The following FRAS1 variants were observed in gnomAD, a reference collection of about 807,000 sequenced individuals.
FRAS1 encodes the protein extracellular matrix organizing protein FRAS1.
FRAS1 carries 290 observed loss-of-function variants against 435.2 expected under a neutral mutation model. That is an observed-to-expected ratio of 0.67 (90% CI 0.61 to 0.73). The LOEUF is 0.73. Ranked by LOEUF, FRAS1 falls within the 30% of genes least tolerant of loss-of-function variation. FRAS1 has a pLI of 0.00. For synonymous variants in FRAS1, 1,800 were observed against 1,851.0 expected, an observed-to-expected ratio of 0.97 and a Z score of 0.71; for missense variants, 4,860 against 5,001.5, an observed-to-expected ratio of 0.97 and a Z score of 0.85.
intron 44 of FRAS1, among the ~76,000 whole-genome samples, chr4:78,448,778 G>C (rs1718933729): frequency 1.3e-5 from 2 of 152,186 alleles, no homozygotes; most frequent in African/African-American, 4.8e-5. Flanking sequence ...AAATAATTGA[G>C]AATTATCAGA....
intron 72 of FRAS1, 26 bp downstream of exon 72, chr4:78,537,226 T>C (rs1177359664): frequency 1.4e-5 from 23 of 1,601,140 alleles, no homozygotes; most frequent in Non-Finnish European, 2.0e-5. Flanking sequence ...ACTATTAGTG[T>C]TAAAGAGCAG....
chr4:78,511,102 A>G (rs1027445), intron 63 of FRAS1, among the ~76,000 whole-genome samples, 172 bp from the exon 64 acceptor site: 105,314 of 152,088 alleles, frequency 0.69, 37,028 homozygotes, highest in African/African-American at 0.82. Context: ...GATCTGTCTC[A>G]AGTGTCTGGT....
At chr4:78,398,215 A>T (rs1479266444) in intron 29 of FRAS1, among the ~76,000 whole-genome samples, 1 of 152,232 alleles carries the variant, frequency 6.6e-6, no homozygotes, top group African/African-American at 2.4e-5. Flanking sequence ...CCTGTTATAG[A>T]CATAAATATT....
chr4:78,317,656 T>C, intron 17 of FRAS1, 148 bp downstream of exon 17: 1 of 754,106 alleles, frequency 1.3e-6, no homozygotes, highest in Non-Finnish European at 2.0e-6. Flanking sequence ...TTCATTACAG[T>C]AGTTTTGCAA....
chr4:78,507,651 G>T, intron 62 of FRAS1, 43 bp downstream of exon 62: 1 of 1,523,426 alleles, frequency 6.6e-7, no homozygotes, highest in South Asian at 1.3e-5. Flanking sequence ...ACGTCTCAGT[G>T]ACTAGTAGAT....
chr4:78,114,191 T>A (rs1460248961), intron 2 of FRAS1, among the ~76,000 whole-genome samples: 2 of 152,186 alleles, frequency 1.3e-5, no homozygotes, highest in African/African-American at 2.4e-5. Flanking sequence ...GGTCTATATA[T>A]CTGTTTGGGT....
chr4:78,073,240 G>A (rs975221606), intron 2 of FRAS1, among the ~76,000 whole-genome samples: 7 of 152,160 alleles, frequency 4.6e-5, no homozygotes, highest in African/African-American at 1.4e-4. Context: ...AATTGTATGA[G>A]AGGAATAATA....
At chr4:78,058,304 C>T (rs1056301672) in intron 1 of FRAS1, among the ~76,000 whole-genome samples, 2 of 152,038 alleles carry the variant, frequency 1.3e-5, no homozygotes, top group African/African-American at 4.8e-5. Flanking sequence ...ACCCCCGAAA[C>T]GGCCTCCCTC....
rs573114970 is a variant in FRAS1 at position 78,358,558 on chromosome 4, T to G, written c.2423-4955T>G. 2.0e-3 allele frequency among the ~76,000 whole-genome samples: 300 copies of G among 151,212 alleles called. 2 individuals are homozygous for G. The highest frequency in any genetic ancestry group is 6.1e-3 in the African/African-American group (251 of 41,294). ...ATTTATAAAATGGGGATAATAACAG[T>G]GCCTACTTTTTCTCTTCAAATGAAA... On this transcript the variant is annotated intron_variant, in intron 20 of 73. Transcript: ENST00000512123.
chr4:78,518,706 T>C (rs1721295084), intron 66 of FRAS1, among the ~76,000 whole-genome samples: 1 of 152,154 alleles, frequency 6.6e-6, no homozygotes, highest in Non-Finnish European at 1.5e-5. Context: ...TTCAAAACTC[T>C]TTCCAAAGCA....
chr4:78,512,484 G>A (rs11098208), intron 64 of FRAS1, among the ~76,000 whole-genome samples: 21,956 of 150,882 alleles, frequency 0.15, 1,906 homozygotes, highest in Non-Finnish European at 0.21. Flanking sequence ...CACACTTTCA[G>A]TAAACACGCT....
chr4:78,271,473 A>C lies in FRAS1; in HGVS notation c.981+4041A>C, dbSNP rs1015160709. On this transcript the variant is annotated intron_variant, in intron 9 of 73. Transcript: ENST00000512123. ...ATGCTATCCCTCCCCCCTACCCCCA[A>C]CCCACAACAGGGCCTGGTGTGTGAT... 6.6e-5 allele frequency among the ~76,000 whole-genome samples: 10 copies of C among 151,356 alleles called. No homozygotes were observed. In the East Asian group the frequency reaches 9.8e-4, roughly 15 times the overall value.
chr4:78,200,366 G>T (rs1722998707), intron 2 of FRAS1, among the ~76,000 whole-genome samples: 1 of 152,170 alleles, frequency 6.6e-6, no homozygotes, highest in South Asian at 2.1e-4. Flanking sequence ...ACACATGCAT[G>T]ATATGGAGCT....
intron 2 of FRAS1, among the ~76,000 whole-genome samples, chr4:78,072,806 T>A (rs969032434): frequency 3.8e-4 from 10 of 26,344 alleles, no homozygotes; most frequent in Non-Finnish European, 1.4e-3. Context: ...AAAAACTTAT[T>A]TTTTTTGCAA....
chr4:78,466,727 T>C (rs1719542960), intron 50 of FRAS1, among the ~76,000 whole-genome samples: 1 of 152,222 alleles, frequency 6.6e-6, no homozygotes, highest in African/African-American at 2.4e-5. Context: ...TTAGTATTAC[T>C]GTTATTTCTT....
At chr4:78,314,286 T>C (rs1367085798) in intron 15 of FRAS1, among the ~76,000 whole-genome samples, 1 of 152,156 alleles carries the variant, frequency 6.6e-6, no homozygotes, top group East Asian at 1.9e-4. Context: ...ATTGTGCATG[T>C]TCCAAACTGA....
intron 61 of FRAS1, among the ~76,000 whole-genome samples, chr4:78,502,728 CT>C (rs1383599249): frequency 1.3e-5 from 2 of 152,280 alleles, no homozygotes; most frequent in East Asian, 3.9e-4. Flanking sequence ...CCTGATTGCC[CT>C]GGCCAGAACT....
chr4:78,507,235 T>G (rs958832677), intron 61 of FRAS1, among the ~76,000 whole-genome samples, 186 bp from the exon 62 acceptor site: 1 of 152,208 alleles, frequency 6.6e-6, no homozygotes, highest in African/African-American at 2.4e-5. Context: ...AGGTGGAATT[T>G]GGTCTGTAAA....
At chr4:78,072,897 T>C (rs773263528) in intron 2 of FRAS1, among the ~76,000 whole-genome samples, 21 of 152,130 alleles carry the variant, frequency 1.4e-4, no homozygotes, top group Non-Finnish European at 2.8e-4. Context: ...AAGTTGAGAC[T>C]AGACAAACAG....
Sources: gnomAD v4.1 joint callset for allele counts (sites outside exome capture counted in the v4.1 genomes callset) on GRCh38, gnomAD v4.1.1 for gene constraint, MANE v1.5 for transcripts, NCBI Gene and HGNC (gene_info 2026-07-23, HGNC 2026-07-21) for gene names.